The following SLC9A9 variants were observed in gnomAD, a reference collection of about 807,000 sequenced individuals.
The protein encoded by SLC9A9 is sodium/hydrogen exchanger 9.
In SLC9A9, 62 loss-of-function variants were observed where a neutral mutation model predicts 77.8. That is an observed-to-expected ratio of 0.80 (90% CI 0.65 to 0.98). SLC9A9 has a LOEUF of 0.98. Ranked by LOEUF, SLC9A9 falls within the 50% of genes least tolerant of loss-of-function variation. SLC9A9 has a pLI of 0.00. For synonymous variants in SLC9A9, 320 were observed against 283.5 expected, an observed-to-expected ratio of 1.13 and a Z score of -1.29; for missense variants, 775 against 774.9, an observed-to-expected ratio of 1.00 and a Z score of 0.00.
chr3:143,334,424 G>C (rs916879559), intron 14 of SLC9A9, among the ~76,000 whole-genome samples: 1 of 152,220 alleles, frequency 6.6e-6, no homozygotes, highest in Non-Finnish European at 1.5e-5. Flanking sequence ...TGTGAGTTAA[G>C]ACTTAGTCAC....
chr3:143,620,005 C>T (rs2038174379), intron 6 of SLC9A9, among the ~76,000 whole-genome samples: 1 of 152,164 alleles, frequency 6.6e-6, no homozygotes, highest in African/African-American at 2.4e-5. Context: ...TACCTTCCCA[C>T]TAAACCCCTT....
chr3:143,398,584 G>T (rs773017464), intron 12 of SLC9A9, among the ~76,000 whole-genome samples: 1 of 152,098 alleles, frequency 6.6e-6, no homozygotes, highest in Non-Finnish European at 1.5e-5. Context: ...AGCAAAAAGA[G>T]ATTTATAACC....
At chr3:143,448,212 C>T (rs1337673324) in intron 12 of SLC9A9, among the ~76,000 whole-genome samples, 1 of 152,020 alleles carries the variant, frequency 6.6e-6, no homozygotes, top group Non-Finnish European at 1.5e-5. Flanking sequence ...TTTGCTAGAT[C>T]CTGGGCCCTG....
chr3:143,826,570 C>T (rs768089662), intron 2 of SLC9A9, among the ~76,000 whole-genome samples: 7 of 152,202 alleles, frequency 4.6e-5, no homozygotes, highest in Non-Finnish European at 7.3e-5. Flanking sequence ...GTCAACATTA[C>T]ACTGTTCCTC....
chr3:143,572,422 T>G (rs1329788431), intron 8 of SLC9A9, among the ~76,000 whole-genome samples: 1 of 152,184 alleles, frequency 6.6e-6, no homozygotes, highest in Non-Finnish European at 1.5e-5. Context: ...TTTTTCTTAT[T>G]ATTAATACTA....
chr3:143,413,075 T>G (rs946393079), intron 12 of SLC9A9, among the ~76,000 whole-genome samples: 4 of 152,178 alleles, frequency 2.6e-5, no homozygotes, highest in African/African-American at 9.7e-5. Flanking sequence ...TCTAATTATT[T>G]TCTCCCACCT....
At chr3:143,512,743 G>GT (rs879392849) in intron 9 of SLC9A9, among the ~76,000 whole-genome samples, 6 of 152,290 alleles carry the variant, frequency 3.9e-5, no homozygotes, top group Non-Finnish European at 8.8e-5. Flanking sequence ...GGTCGTGGTG[G>GT]TGGGTGCCTG....
Position 143,676,394 on chromosome 3 carries a change from C to G in SLC9A9, c.649+16798G>C, listed in dbSNP as rs570671458. Among the ~76,000 whole-genome samples the G allele has an allele frequency of 1.6e-4, 24 of 151,422 alleles. 1 individual carries two copies. The South Asian group carries it at 5.0e-3, about 32-fold the overall frequency. On this transcript the variant is annotated intron_variant, in intron 5 of 15. Coordinates refer to ENST00000316549, the MANE Select transcript of SLC9A9 (RefSeq NM_173653.4). ...TTTAAAATGAGAAACAAAGCAAAAACAAACAAACAAACAAAACAAACAAAA... is the reference window on the plus strand; with the variant it reads ...TTTAAAATGAGAAACAAAGCAAAAAGAAACAAACAAACAAAACAAACAAAA...
chr3:143,280,248 C>T (rs1165910013), intron 14 of SLC9A9, among the ~76,000 whole-genome samples: 1 of 148,730 alleles, frequency 6.7e-6, no homozygotes, highest in Non-Finnish European at 1.5e-5. Context: ...CCCTGCAGCT[C>T]TTTTAGGGAA....
Position 143,356,702 on chromosome 3 carries a change from G to A in SLC9A9, c.1604+6782C>T, listed in dbSNP as rs1454509380. Among the ~76,000 whole-genome samples, 6 of 152,116 alleles carry A rather than the reference G, an allele frequency of 3.9e-5. No individual in the cohort carries two copies. In the East Asian group the frequency reaches 1.2e-3, roughly 29 times the overall value. ...TGCTCAGTTAACTTTTTTTGTAGAG[G>A]TGGGGTCTTGCTATGTTGCCCAGGG... On this transcript the variant is annotated intron_variant, in intron 14 of 15. Transcript: ENST00000316549.
intron 12 of SLC9A9, among the ~76,000 whole-genome samples, chr3:143,444,794 A>C (rs1002330754): frequency 1.7e-4 from 26 of 152,170 alleles, no homozygotes; most frequent in African/African-American, 5.3e-4. Context: ...ACAGAGGAAA[A>C]GGAAGAGGTA....
intron 6 of SLC9A9, among the ~76,000 whole-genome samples, chr3:143,611,197 T>A (rs1260337953): frequency 6.6e-6 from 1 of 152,148 alleles, no homozygotes; most frequent in South Asian, 2.1e-4. Context: ...TGGGGAAATC[T>A]TCCACAAAAT....
chr3:143,576,264 C>T (rs1435815126), intron 7 of SLC9A9, among the ~76,000 whole-genome samples: 1 of 152,234 alleles, frequency 6.6e-6, no homozygotes, highest in Non-Finnish European at 1.5e-5. Flanking sequence ...GTAACAGTAT[C>T]TACCTTCCAG....
intron 12 of SLC9A9, among the ~76,000 whole-genome samples, chr3:143,447,374 C>G (rs2034864993): frequency 6.6e-6 from 1 of 152,108 alleles, no homozygotes; most frequent in African/African-American, 2.4e-5. Context: ...ACTATTATAT[C>G]ATTAATTTTA....
At position 143,348,860 on chromosome 3, in the gene SLC9A9, T is replaced by C. The variant is rs918109370; in HGVS notation, c.1604+14624A>G. 2.6e-5 allele frequency among the ~76,000 whole-genome samples: 4 copies of C among 152,276 alleles called. No individual in the cohort carries two copies. In the South Asian group the frequency reaches 8.3e-4, roughly 32 times the overall value. On this transcript the variant is annotated intron_variant, in intron 14 of 15. Transcript: ENST00000316549. Reference sequence around the variant, plus strand: ...TGTGGTTAAAAAACAAGGAGGGGCATTTCCTTCACTTTACAAATGAAACTG... The same window carrying C: ...TGTGGTTAAAAAACAAGGAGGGGCACTTCCTTCACTTTACAAATGAAACTG...
chr3:143,787,724 G>A (rs1400478807), intron 4 of SLC9A9, among the ~76,000 whole-genome samples: 1 of 152,018 alleles, frequency 6.6e-6, no homozygotes, highest in Non-Finnish European at 1.5e-5. Flanking sequence ...TTTTGCTATT[G>A]TGAAGTGTTG....
intron 9 of SLC9A9, among the ~76,000 whole-genome samples, chr3:143,533,195 C>T (rs750447855): frequency 6.6e-6 from 1 of 152,204 alleles, no homozygotes; most frequent in South Asian, 2.1e-4. Context: ...CAAACCAGAC[C>T]AAGTCCCTGC....
chr3:143,619,715 CA>C (rs1172728217), intron 6 of SLC9A9, among the ~76,000 whole-genome samples: 2 of 152,192 alleles, frequency 1.3e-5, no homozygotes, highest in Non-Finnish European at 2.9e-5. Flanking sequence ...GAGGACCACC[CA>C]CATGGACAGC....
At chr3:143,634,430 G>A (rs2038480261) in intron 6 of SLC9A9, among the ~76,000 whole-genome samples, 2 of 152,050 alleles carry the variant, frequency 1.3e-5, no homozygotes, top group South Asian at 2.1e-4. Context: ...CGTCTTCTAT[G>A]TATTTAACAA....
Sources: allele counts gnomAD v4.1 joint callset (sites outside exome capture counted in the v4.1 genomes callset), GRCh38; gene constraint gnomAD v4.1.1; transcripts MANE v1.5; gene names NCBI Gene and HGNC (gene_info 2026-07-23, HGNC 2026-07-21).